Variants in NYAP2 observed in about 807,000 individuals in gnomAD.
The protein encoded by NYAP2 is neuronal tyrosine-phosphorylated phosphoinositide-3-kinase adaptor 2.
NYAP2 carries 23 observed loss-of-function variants against 50.4 expected under a neutral mutation model. The ratio of observed to expected loss-of-function variants is 0.46; its 90% CI spans 0.33 to 0.65. The LOEUF (loss-of-function observed/expected upper bound fraction) is 0.65, where lower values mean the gene tolerates loss of function less well. Among genes scored for constraint, NYAP2 ranks in the 30% least tolerant of loss-of-function variants. The pLI is 0.02. For missense variants in NYAP2, 885 were observed against 861.0 expected (o/e 1.03, Z -0.35); for synonymous variants, 394 against 365.2 (o/e 1.08, Z -0.90).
chr2:225,462,437 A>G (rs1314460737), intron 3 of NYAP2, among the ~76,000 whole-genome samples: 3 of 151,890 alleles, frequency 2.0e-5, no homozygotes, highest in Admixed American at 2.0e-4. Flanking sequence ...TTGTGCCTTG[A>G]GAAGTTTTAC....
At chr2:225,568,183 C>A (rs897316921) in intron 4 of NYAP2, among the ~76,000 whole-genome samples, 4 of 152,138 alleles carry the variant, frequency 2.6e-5, no homozygotes, top group African/African-American at 9.7e-5. Context: ...ATTGCAAAAT[C>A]TAACTTGTGA....
intron 5 of NYAP2, among the ~76,000 whole-genome samples, chr2:225,625,968 G>T (rs1411512803): frequency 6.6e-6 from 1 of 152,164 alleles, no homozygotes; most frequent in East Asian, 1.9e-4. Context: ...GAAACAAAGT[G>T]GAAGAGAAGC....
chr2:225,415,554 G>C (rs1255976932), intron 3 of NYAP2, among the ~76,000 whole-genome samples: 1 of 152,098 alleles, frequency 6.6e-6, no homozygotes, highest in Non-Finnish European at 1.5e-5. Flanking sequence ...TGTGGCAGTA[G>C]ACTTTGTGGA....
At chr2:225,448,784 G>T (rs548472266) in intron 3 of NYAP2, among the ~76,000 whole-genome samples, 1 of 152,290 alleles carries the variant, frequency 6.6e-6, no homozygotes, top group South Asian at 2.1e-4. Context: ...ATCAAAATTA[G>T]CCAGAGAGAT....
chr2:225,458,267 G>T (rs962057128), intron 3 of NYAP2, among the ~76,000 whole-genome samples: 1 of 152,110 alleles, frequency 6.6e-6, no homozygotes. Context: ...TGGGAGGATC[G>T]CTTGAGTGGG....
At chr2:225,512,835 C>CTTTCTT (rs1420137730) in intron 3 of NYAP2, among the ~76,000 whole-genome samples, 59 of 58,818 alleles carry the variant, frequency 1.0e-3, no homozygotes, top group African/African-American at 2.2e-3. Context: ...CTCTCTCTCT[C>CTTTCTT]TCTTTCTTTC....
intron 3 of NYAP2, among the ~76,000 whole-genome samples, chr2:225,446,441 CAA>C (rs1297513143): frequency 2.0e-5 from 3 of 151,368 alleles, no homozygotes; most frequent in Non-Finnish European, 2.9e-5. Context: ...AAAAACAAAA[CAA>C]AACAAAACAA....
At chr2:225,612,690 A>T (rs1163979034) in intron 5 of NYAP2, among the ~76,000 whole-genome samples, 2 of 138,442 alleles carry the variant, frequency 1.4e-5, no homozygotes, top group Non-Finnish European at 3.2e-5. Context: ...AGACAGAGAA[A>T]GCACTGCTGT....
chr2:225,486,483 C>A (rs796807005), intron 3 of NYAP2, among the ~76,000 whole-genome samples: 1 of 152,158 alleles, frequency 6.6e-6, no homozygotes, highest in African/African-American at 2.4e-5. Context: ...AGCAGGCAGG[C>A]GCAGGCACTG....
At chr2:225,415,188 C>G (rs1027710354) in intron 3 of NYAP2, among the ~76,000 whole-genome samples, 1 of 152,052 alleles carries the variant, frequency 6.6e-6, no homozygotes, top group African/African-American at 2.4e-5. Flanking sequence ...ACATTACTTA[C>G]AGCTCCTTTA....
chr2:225,462,713 A>G (rs144026477), intron 3 of NYAP2, among the ~76,000 whole-genome samples: 119 of 152,316 alleles, frequency 7.8e-4, no homozygotes, highest in African/African-American at 2.8e-3. Context: ...GTCAGACAAT[A>G]GAAGTATTTT....
At chr2:225,425,375 C>T (rs1029581597) in intron 3 of NYAP2, among the ~76,000 whole-genome samples, 1 of 152,124 alleles carries the variant, frequency 6.6e-6, no homozygotes, top group Admixed American at 6.6e-5. Context: ...GCATATCTCA[C>T]TAGGAATTTA....
rs558713906 is a variant in NYAP2 at position 225,488,479 on chromosome 2, G to A, written c.222-24892G>A. On this transcript the variant is annotated intron_variant, in intron 3 of 6. Coordinates refer to ENST00000636099, the Ensembl canonical transcript of NYAP2. ...ACCTCTGACTCCTGGGTTCAAGCAA[G>A]TCTCATGCCTCAGCCTCCCAAGTAG... Among the ~76,000 whole-genome samples, 15 of 152,138 alleles carry A rather than the reference G, an allele frequency of 9.9e-5. No homozygotes were observed. The East Asian group carries it at 2.3e-3, about 24-fold the overall frequency.
At chr2:225,566,209 T>C (rs1038447530) in intron 4 of NYAP2, among the ~76,000 whole-genome samples, 1 of 152,188 alleles carries the variant, frequency 6.6e-6, no homozygotes, top group Non-Finnish European at 1.5e-5. Context: ...ATTATCATTA[T>C]TACTATTATT....
chr2:225,582,104 C>G lies in NYAP2; in HGVS notation c.687C>G (p.Ser229=). 6.2e-7 allele frequency: 1 copy of G among 1,614,012 alleles called. No homozygotes were observed. Among genetic ancestry groups the G allele is most frequent in the Non-Finnish European group, 8.5e-7 (1 of 1,179,880 alleles). ...CGCTGCCGCGGGACTCCTCCTTGTC[C>G]CAGATGGGCAGCCCCGCGGGAGACC... The change falls in exon 5 of 7, where the codon TCC becomes TCG. Residue 229 remains serine (S), a synonymous_variant. Transcript: ENST00000636099. The surrounding 1 kb of genome is among the most constrained non-coding windows in gnomAD (Gnocchi z 7.0).
chr2:225,414,632 G>A (rs377343332), intron 3 of NYAP2, among the ~76,000 whole-genome samples: 3 of 152,136 alleles, frequency 2.0e-5, no homozygotes, highest in Admixed American at 6.5e-5. Context: ...AACAGAGTCC[G>A]GCCACAAACA....
chr2:225,532,882 A>G (rs1344975293), intron 4 of NYAP2, among the ~76,000 whole-genome samples: 1 of 152,128 alleles, frequency 6.6e-6, no homozygotes, highest in Non-Finnish European at 1.5e-5. Context: ...GCCCTTGAAG[A>G]TGTCATTAGT....
At chr2:225,645,609 A>G (rs1400876795) in intron 6 of NYAP2, among the ~76,000 whole-genome samples, 1 of 152,160 alleles carries the variant, frequency 6.6e-6, no homozygotes, top group Non-Finnish European at 1.5e-5. Context: ...ATACTAGAAG[A>G]GTTTTCAAAG....
intron 4 of NYAP2, among the ~76,000 whole-genome samples, chr2:225,575,483 A>C (rs529605814): frequency 3.3e-5 from 5 of 152,360 alleles, no homozygotes; most frequent in East Asian, 1.9e-4. Flanking sequence ...AATGTCTGCT[A>C]TCTCATCTAA....
Sources: gnomAD v4.1 joint callset for allele counts (sites outside exome capture counted in the v4.1 genomes callset) on GRCh38, gnomAD v4.1.1 for gene constraint, Gnocchi (gnomAD v3.1) non-coding constraint, MANE v1.5 for transcripts, NCBI Gene and HGNC (gene_info 2026-07-23, HGNC 2026-07-21) for gene names.